The following SGCD variants were observed in gnomAD, a reference collection of about 807,000 sequenced individuals.
The protein encoded by SGCD is sarcoglycan delta.
Under a neutral mutation model 36.6 loss-of-function variants are expected in SGCD, and 18 were observed. The observed-to-expected ratio is 0.49, with a 90% CI of 0.34 to 0.73. The LOEUF (loss-of-function observed/expected upper bound fraction) is 0.73, where lower values mean the gene tolerates loss of function less well. SGCD is among the 30% of genes least tolerant of loss of function. The probability of loss-of-function intolerance (pLI) is 0.01; values close to 1 mark genes in which losing one functional copy is unlikely to be tolerated. For synonymous variants in SGCD, 133 were observed against 130.6 expected (o/e 1.02, Z -0.12); for missense variants, 387 against 346.7 (o/e 1.12, Z -0.92).
intron 1 of SGCD, among the ~76,000 whole-genome samples, chr5:155,941,031 G>A (rs1184122599): frequency 1.3e-5 from 2 of 152,068 alleles, no homozygotes; most frequent in African/African-American, 2.4e-5. Flanking sequence ...TCTGGAGGCT[G>A]AGAAGTCCAA....
chr5:156,640,152 C>T (rs956948690), intron 6 of SGCD, among the ~76,000 whole-genome samples: 2 of 152,084 alleles, frequency 1.3e-5, no homozygotes, highest in South Asian at 4.2e-4. Context: ...TAGTGCTCTT[C>T]TGAGGAATTT....
chr5:156,191,812 C>T (rs1763900624), intron 3 of SGCD, among the ~76,000 whole-genome samples: 1 of 152,164 alleles, frequency 6.6e-6, no homozygotes, highest in African/African-American at 2.4e-5. Flanking sequence ...ATCATTTTCA[C>T]AGTTCAGCTG....
chr5:156,170,093 C>T (rs1029515362), intron 3 of SGCD, among the ~76,000 whole-genome samples: 2 of 152,250 alleles, frequency 1.3e-5, no homozygotes, highest in Non-Finnish European at 1.5e-5. Flanking sequence ...GAAGCAGTAA[C>T]ACCAGCAAGC....
rs187618561 is a variant in SGCD, at chr5:156,581,104, G to A, written c.295-8127G>A. Among the ~76,000 whole-genome samples, 146 of 152,252 alleles carry A rather than the reference G, an allele frequency of 9.6e-4. 4 individuals carry two copies. The East Asian group carries it at 0.024, about 25-fold the overall frequency. On this transcript the variant is annotated intron_variant, in intron 4 of 8. Coordinates refer to ENST00000337851, the MANE Select transcript of SGCD (RefSeq NM_000337.6). Reference sequence around the variant, plus strand: ...GGGTTTTGGTGTGGATGTCCTTTTTGTTGATGTTGATGCTATTCCTTTCTG... The same window carrying A: ...GGGTTTTGGTGTGGATGTCCTTTTTATTGATGTTGATGCTATTCCTTTCTG...
intron 4 of SGCD, among the ~76,000 whole-genome samples, chr5:156,555,304 G>C (rs2113217282): frequency 6.6e-6 from 1 of 152,198 alleles, no homozygotes; most frequent in Admixed American, 6.5e-5. Flanking sequence ...TAATCCAATG[G>C]CAAGCACATT....
At chr5:156,711,091 T>A (rs1259646765) in intron 7 of SGCD, among the ~76,000 whole-genome samples, 1 of 152,156 alleles carries the variant, frequency 6.6e-6, no homozygotes, top group South Asian at 2.1e-4. Context: ...TGGTCAGTTG[T>A]CCCTGAATTA....
chr5:156,310,928 G>A (rs1767375193), intron 3 of SGCD, among the ~76,000 whole-genome samples: 1 of 152,168 alleles, frequency 6.6e-6, no homozygotes, highest in East Asian at 1.9e-4. Flanking sequence ...GGACATGCTA[G>A]TGAGTGGCAA....
chr5:156,427,526 C>G (rs1773728457), intron 3 of SGCD, among the ~76,000 whole-genome samples: 1 of 151,938 alleles, frequency 6.6e-6, no homozygotes, highest in Non-Finnish European at 1.5e-5. Flanking sequence ...GAGGCCCTTT[C>G]TTTCCTTCTC....
chr5:155,888,863 G>A (rs1756063840), intron 1 of SGCD, among the ~76,000 whole-genome samples: 1 of 152,048 alleles, frequency 6.6e-6, no homozygotes. Context: ...CCTTCCCCTT[G>A]ATTATTCTAA....
chr5:155,785,096 T>A, the SGCD span, among the ~76,000 whole-genome samples: 6 of 152,144 alleles, frequency 3.9e-5, no homozygotes, highest in Middle Eastern at 3.4e-3. Context: ...AATAGCACGG[T>A]GTTCATAGCA....
chr5:156,405,049 C>A (rs144745586), intron 3 of SGCD, among the ~76,000 whole-genome samples: 46 of 152,236 alleles, frequency 3.0e-4, no homozygotes, highest in African/African-American at 1.0e-3. Context: ...ATCACATAAG[C>A]CCTTCAAATC....
Position 156,767,292 on chromosome 5 carries a change from C to T in SGCD, c.*7902C>T, listed in dbSNP as rs1757610238. The T allele has an allele frequency of 6.6e-6, 1 of 151,932 alleles. No individual in the cohort carries two copies. Among genetic ancestry groups the T allele is most frequent in the Admixed American group, 6.6e-5 (1 of 15,244 alleles). 9.4% of individuals were successfully genotyped at this position (151,932 alleles called of 1,614,324 possible). On this transcript the variant is annotated 3_prime_UTR_variant, in exon 9 of 9. Transcript: ENST00000337851. ...AGTTTTTCATGTATCAACCACCTCC[C>T]CCAGTCAGGTTTCTCCCTTTTTGAG... is the stretch of plus-strand genomic sequence containing the variant.
the SGCD span, among the ~76,000 whole-genome samples, chr5:155,830,739 A>T: frequency 6.6e-6 from 1 of 152,224 alleles, no homozygotes; most frequent in Non-Finnish European, 1.5e-5. Flanking sequence ...ATTAAAATGA[A>T]GTCATTCTCA....
intron 6 of SGCD, among the ~76,000 whole-genome samples, chr5:156,613,827 A>C (rs569270580): frequency 6.6e-6 from 1 of 152,196 alleles, no homozygotes; most frequent in African/African-American, 2.4e-5. Context: ...TTTTGCTGCA[A>C]CATAAATATA....
chr5:156,121,239 A>C (rs554843493), intron 2 of SGCD, among the ~76,000 whole-genome samples: 1 of 152,194 alleles, frequency 6.6e-6, no homozygotes, highest in South Asian at 2.1e-4. Context: ...AGCAGTAAAA[A>C]CTTTAAAAAT....
At position 156,057,676 on chromosome 5, in the gene SGCD, A is replaced by G. The variant is rs189613792; in HGVS notation, c.-281-60202A>G. Among the ~76,000 whole-genome samples the G allele has an allele frequency of 5.9e-4, 87 of 146,480 alleles. 8 individuals carry two copies. The highest frequency in any genetic ancestry group is 2.0e-3 in the African/African-American group (80 of 40,832). On this transcript the variant is annotated intron_variant, in intron 1 of 9. Transcript: ENST00000517913. ...CTTGCCATGTCAGAAAACAGAACAA[A>G]TTACAAAGGCTATTGAGAATATGTC...
chr5:156,710,128 A>C (rs1302018384), intron 7 of SGCD, among the ~76,000 whole-genome samples: 1 of 152,178 alleles, frequency 6.6e-6, no homozygotes, highest in Non-Finnish European at 1.5e-5. Context: ...CTGATAGAAT[A>C]GTGGTAGACA....
intron 7 of SGCD, among the ~76,000 whole-genome samples, chr5:156,701,936 A>C (rs1362130776): frequency 1.3e-5 from 2 of 152,182 alleles, no homozygotes; most frequent in African/African-American, 4.8e-5. Flanking sequence ...AAGATATAAC[A>C]CACAAAAAAT....
rs189113975 is a variant in SGCD at position 156,715,600 on chromosome 5, A to T, written c.576-41981A>T. Among the ~76,000 whole-genome samples, 15 of 152,296 alleles carry T rather than the reference A, an allele frequency of 9.8e-5. No individual in the cohort carries two copies. In the East Asian group the frequency reaches 2.9e-3, roughly 29 times the overall value. ...ACAAGATGAGACTGAGAGATGCTATATTGTGTAAAGTTTAACTGTTTGGAC... is the reference window on the plus strand; with the variant it reads ...ACAAGATGAGACTGAGAGATGCTATTTTGTGTAAAGTTTAACTGTTTGGAC... On this transcript the variant is annotated intron_variant, in intron 7 of 8. Transcript: ENST00000337851.
Sources: gnomAD v4.1 joint callset for allele counts (sites outside exome capture counted in the v4.1 genomes callset) on GRCh38, gnomAD v4.1.1 for gene constraint, MANE v1.5 for transcripts, NCBI Gene and HGNC (gene_info 2026-07-23, HGNC 2026-07-21) for gene names.